The following B3GAT2 variants were observed in gnomAD, a reference collection of about 807,000 sequenced individuals.
B3GAT2 encodes the protein galactosylgalactosylxylosylprotein 3-beta-glucuronosyltransferase 2.
In B3GAT2, 26 loss-of-function variants were observed where a neutral mutation model predicts 27.8. The ratio of observed to expected loss-of-function variants is 0.93; its 90% CI spans 0.68 to 1.30. The LOEUF is 1.30. Ranked by LOEUF, B3GAT2 falls within the 50% of genes most tolerant of loss-of-function variation. B3GAT2 has a pLI of 0.00. For missense variants in B3GAT2, 458 were observed against 459.0 expected (o/e 1.00, Z 0.02); for synonymous variants, 218 against 195.1 (o/e 1.12, Z -0.98).
At position 70,861,587 on chromosome 6, in the gene B3GAT2, C is replaced by T. The variant is rs1771729685; in HGVS notation, c.*76G>A. On this transcript the variant is annotated 3_prime_UTR_variant, in exon 4 of 4. Transcript: ENST00000230053. The stretch of plus-strand genomic sequence containing the variant: ...GTAAAACAAACAATACCTGAATGCT[C>T]TGTAGCCTAAACTCCAAACATCCTC... The T allele has an allele frequency of 2.2e-6, 3 of 1,348,974 alleles. No individual in the cohort carries two copies. Among genetic ancestry groups the T allele is most frequent in the Middle Eastern group, 1.8e-4 (1 of 5,438 alleles). 83.6% of individuals were successfully genotyped at this position (1,348,974 alleles called of 1,614,324 possible).
chr6:70,869,298 A>T (rs1448415883), intron 2 of B3GAT2, among the ~76,000 whole-genome samples: 1 of 152,130 alleles, frequency 6.6e-6, no homozygotes, highest in Non-Finnish European at 1.5e-5. Flanking sequence ...TATAAGGTGC[A>T]TGTCGCTCCA....
chr6:70,919,935 A>C (rs1772839424), intron 1 of B3GAT2, among the ~76,000 whole-genome samples: 1 of 152,140 alleles, frequency 6.6e-6, no homozygotes, highest in South Asian at 2.1e-4. Context: ...CTTTCTTCAG[A>C]GCTGTCAGGC....
At chr6:70,872,603 T>C (rs1771955781) in intron 2 of B3GAT2, among the ~76,000 whole-genome samples, 1 of 151,766 alleles carries the variant, frequency 6.6e-6, no homozygotes, top group Admixed American at 6.6e-5. Flanking sequence ...CATGTTTGTC[T>C]TGTAGACAGC....
chr6:70,886,895 G>C (rs1772196944), intron 2 of B3GAT2, among the ~76,000 whole-genome samples: 1 of 152,086 alleles, frequency 6.6e-6, no homozygotes, highest in African/African-American at 2.4e-5. Flanking sequence ...AAGTTGTTGG[G>C]ACAGAATTAC....
chr6:70,949,991 G>A (rs1276372416), intron 1 of B3GAT2, among the ~76,000 whole-genome samples: 5 of 151,688 alleles, frequency 3.3e-5, no homozygotes, highest in African/African-American at 9.7e-5. Flanking sequence ...ACTCATAGAT[G>A]GGAATTGAAC....
intron 2 of B3GAT2, among the ~76,000 whole-genome samples, chr6:70,870,101 T>C (rs538483810): frequency 3.3e-5 from 5 of 152,194 alleles, no homozygotes; most frequent in African/African-American, 9.6e-5. Flanking sequence ...CGTATGTTTA[T>C]TGCGGCACTA....
chr6:70,955,784 G>A, intron 1 of B3GAT2, 55 bp downstream of exon 1: 4 of 1,489,346 alleles, frequency 2.7e-6, no homozygotes, highest in Non-Finnish European at 3.6e-6. Context: ...CAGCCCGGCC[G>A]GCCCGGAGGC....
rs1164635883 is a variant in B3GAT2 at position 70,858,354 on chromosome 6, ATATGT to A, written c.*3304_*3308del. ...TGGCAGAAAGAATTCAATAGGGATA[ATATGT>A]TATAGGGTCAAAAGTATCTATAAAT... On this transcript the variant is annotated 3_prime_UTR_variant, in exon 4 of 4. Coordinates refer to ENST00000230053, the MANE Select transcript of B3GAT2 (RefSeq NM_080742.3). 2 of 820,072 alleles carry A rather than the reference ATATGT, an allele frequency of 2.4e-6. No homozygotes were observed. Among genetic ancestry groups the A allele is most frequent in the Non-Finnish European group, 3.6e-6 (2 of 561,752 alleles). The allele number at this position is 820,072 out of a possible 1,614,324, so 50.8% of individuals were successfully genotyped here.
intron 1 of B3GAT2, among the ~76,000 whole-genome samples, chr6:70,948,124 A>G (rs1182653098): frequency 6.7e-6 from 1 of 149,036 alleles, no homozygotes; most frequent in African/African-American, 2.5e-5. Flanking sequence ...AGCCAATATC[A>G]TACTGAATGG....
chr6:70,954,830 C>CAA (rs1765624389), intron 1 of B3GAT2, among the ~76,000 whole-genome samples: 1 of 145,182 alleles, frequency 6.9e-6, no homozygotes, highest in Non-Finnish European at 1.5e-5. Context: ...CACTCAGTCT[C>CAA]ATTTGCAGGC....
chr6:70,865,944 A>G (rs1187765808), intron 2 of B3GAT2, among the ~76,000 whole-genome samples: 1 of 152,184 alleles, frequency 6.6e-6, no homozygotes, highest in East Asian at 1.9e-4. Flanking sequence ...GAACCCGGAA[A>G]GCTCTGCAGT....
chr6:70,900,381 G>A (rs1274788155), intron 1 of B3GAT2, among the ~76,000 whole-genome samples: 2 of 151,438 alleles, frequency 1.3e-5, no homozygotes, highest in Non-Finnish European at 2.9e-5. Context: ...ATGCACTCCA[G>A]TCTGGTGGCC....
In B3GAT2 at chr6:70,896,094, A is replaced by T. The variant is rs78901213; in HGVS notation, c.592-1822T>A. The stretch of plus-strand genomic sequence containing the variant: ...CCTATGTGACAAGCCCTGAACAAAA[A>T]CCCTGAACTCTTGAGTCTTAAGTGG... On this transcript the variant is annotated intron_variant, in intron 1 of 3. Transcript: ENST00000230053. Among the ~76,000 whole-genome samples the T allele has an allele frequency of 3.9e-5, 6 of 152,124 alleles. No individual in the cohort carries two copies. The East Asian group carries it at 1.2e-3, about 29-fold the overall frequency.
rs530175734 is a variant in B3GAT2, at chr6:70,869,711, A to G, written c.737-7733T>C. 5.6e-4 allele frequency among the ~76,000 whole-genome samples: 86 copies of G among 152,224 alleles called. 1 individual carries two copies. Among genetic ancestry groups the G allele is most frequent in the Admixed American group, 7.9e-4 (12 of 15,284 alleles). On this transcript the variant is annotated intron_variant, in intron 2 of 3. Coordinates refer to ENST00000230053, the MANE Select transcript of B3GAT2 (RefSeq NM_080742.3). ...TTCAGATTGTTCATTGCTAGTGTAT[A>G]TAAATACAATTGATTTTCATATATT...
intron 1 of B3GAT2, among the ~76,000 whole-genome samples, chr6:70,903,224 C>T (rs1350394754): frequency 1.3e-5 from 2 of 151,710 alleles, no homozygotes; most frequent in Non-Finnish European, 2.9e-5. Flanking sequence ...GACCATGAAC[C>T]CAAACACAAA....
chr6:70,858,255 C>T lies in B3GAT2; in HGVS notation c.*3408G>A, dbSNP rs370678523. On this transcript the variant is annotated 3_prime_UTR_variant, in exon 4 of 4. Coordinates refer to ENST00000230053, the MANE Select transcript of B3GAT2 (RefSeq NM_080742.3). ...GTAGGGGTCATTTACTTTCTAGCTT[C>T]TCCCAAATCAAACCAGATTTATTTT... is the stretch of plus-strand genomic sequence containing the variant. 6 of 1,112,546 alleles carry T rather than the reference C, an allele frequency of 5.4e-6. No individual in the cohort carries two copies. The highest frequency in any genetic ancestry group is 7.7e-6 in the Non-Finnish European group (6 of 782,104). 68.9% of individuals were successfully genotyped at this position (1,112,546 alleles called of 1,614,324 possible).
chr6:70,905,112 T>C (rs1772577090), intron 1 of B3GAT2, among the ~76,000 whole-genome samples: 1 of 152,192 alleles, frequency 6.6e-6, no homozygotes, highest in African/African-American at 2.4e-5. Context: ...CATAGCCAAA[T>C]CTATGAGCTA....
At chr6:70,901,704 C>A (rs1562223691) in intron 1 of B3GAT2, among the ~76,000 whole-genome samples, 1 of 152,186 alleles carries the variant, frequency 6.6e-6, no homozygotes, top group Non-Finnish European at 1.5e-5. Context: ...GCTGAGTCTG[C>A]ATGCCAATCA....
At chr6:70,903,358 A>C (rs981867035) in intron 1 of B3GAT2, among the ~76,000 whole-genome samples, 22 of 152,056 alleles carry the variant, frequency 1.4e-4, no homozygotes, top group Admixed American at 3.9e-4. Context: ...TAAATCTATA[A>C]ATTGGACTTC....
Sources: allele counts gnomAD v4.1 joint callset (sites outside exome capture counted in the v4.1 genomes callset), GRCh38; gene constraint gnomAD v4.1.1; transcripts MANE v1.5; gene names NCBI Gene and HGNC (gene_info 2026-07-23, HGNC 2026-07-21).